The following IL1RAPL1 variants were observed in gnomAD, a reference collection of about 807,000 sequenced individuals.
The protein encoded by IL1RAPL1 is interleukin 1 receptor accessory protein like 1.
In IL1RAPL1, 3 loss-of-function variants were observed where a neutral mutation model predicts 48.4. That is an observed-to-expected ratio of 0.06 (90% CI 0.03 to 0.16). The LOEUF is 0.16. IL1RAPL1 is among the 10% of genes least tolerant of loss of function. IL1RAPL1 has a pLI of 1.00. For missense variants in IL1RAPL1, 349 were observed against 530.6 expected (o/e 0.66, Z 3.36); for synonymous variants, 185 against 187.7 (o/e 0.99, Z 0.12).
chrX:29,259,859 G>C (rs1349190662), intron 2 of IL1RAPL1, among the ~76,000 whole-genome samples: 1 of 111,099 alleles, frequency 9.0e-6, no homozygotes, highest in African/African-American at 3.3e-5. Context: ...TGATTAATAA[G>C]TGTTGATGTG....
chrX:29,164,392 C>CA (rs928848283), intron 2 of IL1RAPL1, among the ~76,000 whole-genome samples: 3 of 111,134 alleles, frequency 2.7e-5, no homozygotes, highest in African/African-American at 9.8e-5. Context: ...GATATGAACA[C>CA]AAAAAAAATT....
chrX:28,801,422 G>A (rs1936674163), intron 2 of IL1RAPL1, among the ~76,000 whole-genome samples: 1 of 111,021 alleles, frequency 9.0e-6, no homozygotes, highest in Non-Finnish European at 1.9e-5. Context: ...AAGGAAGGGT[G>A]ATACTGATTT....
At chrX:28,647,085 C>T (rs1934621432) in intron 1 of IL1RAPL1, among the ~76,000 whole-genome samples, 1 of 111,737 alleles carries the variant, frequency 8.9e-6, no homozygotes, top group African/African-American at 3.3e-5. Flanking sequence ...TTCTGTTTAT[C>T]CTCTACTCTC....
chrX:29,845,398 G>C (rs1009687850), intron 6 of IL1RAPL1, among the ~76,000 whole-genome samples: 5 of 110,496 alleles, frequency 4.5e-5, no homozygotes, highest in African/African-American at 1.3e-4. Flanking sequence ...GGGTAGGGAG[G>C]GTTTTGTGGG....
intron 6 of IL1RAPL1, among the ~76,000 whole-genome samples, chrX:29,803,212 TATATGTATACATATACAC>T (rs1930091332): frequency 2.6e-5 from 1 of 37,775 alleles, no homozygotes; most frequent in Non-Finnish European, 5.1e-5. Flanking sequence ...CACACATGTA[TATATGTATACATATACAC>T]ACATGTATAT....
chrX:28,715,552 C>T (rs750853933), intron 1 of IL1RAPL1, among the ~76,000 whole-genome samples: 126 of 111,514 alleles, frequency 1.1e-3, no homozygotes, highest in Non-Finnish European at 2.0e-3. Flanking sequence ...ATTACAAATA[C>T]CTCTATGAAC....
rs1388698058 is a variant in IL1RAPL1, at chrX:29,477,101, C to T, written c.703+77793C>T. Among the ~76,000 whole-genome samples the T allele has an allele frequency of 2.7e-5, 3 of 109,393 alleles. No homozygotes were observed. The South Asian group carries it at 1.2e-3, about 43-fold the overall frequency. The allele number at this position is 109,393 out of a possible 115,157, so 95.0% of individuals were successfully genotyped here. ...TTCACCTTGTTAGCCAGGATGGTCT[C>T]GATCCCATATTCTTAACTAATACAA... On this transcript the variant is annotated intron_variant, in intron 5 of 10. Coordinates refer to ENST00000378993, the MANE Select transcript of IL1RAPL1 (RefSeq NM_014271.4).
At chrX:29,677,596 G>T (rs993776394) in intron 6 of IL1RAPL1, among the ~76,000 whole-genome samples, 6 of 111,686 alleles carry the variant, frequency 5.4e-5, no homozygotes, top group African/African-American at 2.0e-4. Flanking sequence ...TTACATTTTT[G>T]TAAGATGAGG....
intron 6 of IL1RAPL1, among the ~76,000 whole-genome samples, chrX:29,692,250 T>G (rs1273760493): frequency 8.9e-6 from 1 of 112,094 alleles, no homozygotes; most frequent in Non-Finnish European, 1.9e-5. Flanking sequence ...TAAAATTGAT[T>G]TATTGATTTA....
chrX:28,985,690 C>T (rs1427589617), intron 2 of IL1RAPL1, among the ~76,000 whole-genome samples: 2 of 96,134 alleles, frequency 2.1e-5, no homozygotes, highest in Admixed American at 1.1e-4. Context: ...GACGGAGTCT[C>T]GCTCTGTCGC....
chrX:29,596,436 GTCTT>G (rs1294403407), intron 5 of IL1RAPL1, among the ~76,000 whole-genome samples: 1 of 111,608 alleles, frequency 9.0e-6, no homozygotes, highest in Non-Finnish European at 1.9e-5. Context: ...ATTTTTAGAG[GTCTT>G]TCTTGTCCTC....
chrX:29,813,752 C>T (rs1346896110), intron 6 of IL1RAPL1, among the ~76,000 whole-genome samples: 1 of 110,750 alleles, frequency 9.0e-6, no homozygotes, highest in Non-Finnish European at 1.9e-5. Flanking sequence ...CCCCGCCCTG[C>T]ATCTGGTAAT....
At chrX:29,570,759 A>C (rs1922565382) in intron 5 of IL1RAPL1, among the ~76,000 whole-genome samples, 2 of 112,222 alleles carry the variant, frequency 1.8e-5, no homozygotes, top group Admixed American at 1.9e-4. Flanking sequence ...GACAAATGAT[A>C]CTGAGCACTA....
intron 2 of IL1RAPL1, among the ~76,000 whole-genome samples, chrX:28,964,563 G>T (rs1411654938): frequency 1.8e-5 from 2 of 111,664 alleles, no homozygotes; most frequent in Non-Finnish European, 3.8e-5. Flanking sequence ...ATTTCTAGTA[G>T]CCAAGTTCCT....
At chrX:29,321,749 A>C (rs1340117582) in intron 3 of IL1RAPL1, among the ~76,000 whole-genome samples, 3 of 111,558 alleles carry the variant, frequency 2.7e-5, no homozygotes, top group Admixed American at 9.5e-5. Context: ...GTCACTCTAC[A>C]CTTTATTTGG....
intron 5 of IL1RAPL1, among the ~76,000 whole-genome samples, chrX:29,629,451 T>C (rs1205990387): frequency 9.0e-6 from 1 of 111,307 alleles, no homozygotes. Flanking sequence ...TGGGATAATA[T>C]AGAAAAGATT....
intron 2 of IL1RAPL1, among the ~76,000 whole-genome samples, chrX:29,132,191 T>G (rs191262185): frequency 9.0e-6 from 1 of 111,600 alleles, no homozygotes; most frequent in East Asian, 2.8e-4. Flanking sequence ...AAAGTCCACT[T>G]TAATAAACAT....
At chrX:28,830,966 T>TAA (rs917748749) in intron 2 of IL1RAPL1, among the ~76,000 whole-genome samples, 1 of 98,346 alleles carries the variant, frequency 1.0e-5, no homozygotes, top group African/African-American at 3.8e-5. Flanking sequence ...CTTGAACCAG[T>TAA]AATTCTCCCA....
intron 2 of IL1RAPL1, among the ~76,000 whole-genome samples, chrX:28,996,401 G>A (rs766570480): frequency 1.3e-4 from 15 of 111,502 alleles, no homozygotes; most frequent in Non-Finnish European, 2.8e-4. Context: ...GGGCTATTAC[G>A]AATAATGTTG....
Sources: allele counts gnomAD v4.1 joint callset (sites outside exome capture counted in the v4.1 genomes callset), GRCh38; gene constraint gnomAD v4.1.1; transcripts MANE v1.5; gene names NCBI Gene and HGNC (gene_info 2026-07-23, HGNC 2026-07-21).